The following DZIP3 variants were observed in gnomAD, a reference collection of about 807,000 sequenced individuals.
DZIP3 encodes E3 ubiquitin-protein ligase DZIP3.
A neutral mutation model predicts 162.0 loss-of-function variants in DZIP3; 118 were observed. The observed-to-expected ratio is 0.73, with a 90% confidence interval of 0.63 to 0.85. The LOEUF is 0.85. Ranked by LOEUF, DZIP3 falls within the 40% of genes least tolerant of loss-of-function variation. DZIP3 has a pLI of 0.00. For missense variants in DZIP3, 1,331 were observed against 1,407.0 expected, an observed-to-expected ratio of 0.95 and a Z score of 0.86; for synonymous variants, 438 against 458.6, an observed-to-expected ratio of 0.96 and a Z score of 0.57.
intron 28 of DZIP3, among the ~76,000 whole-genome samples, chr3:108,687,676 A>C (rs1285445054): frequency 6.6e-6 from 1 of 152,224 alleles, no homozygotes; most frequent in African/African-American, 2.4e-5. Context: ...GATAAACTTA[A>C]TTTTCACCTA....
intron 1 of DZIP3, among the ~76,000 whole-genome samples, chr3:108,597,303 G>T (rs1354761198): frequency 6.6e-6 from 1 of 151,536 alleles, no homozygotes; most frequent in Admixed American, 6.6e-5. Flanking sequence ...AAGAGTACAA[G>T]GTTTGAATAT....
chr3:108,642,341 G>T, intron 12 of DZIP3, 97 bp from the exon 13 acceptor site: 1 of 1,259,130 alleles, frequency 7.9e-7, no homozygotes, highest in South Asian at 1.5e-5. Flanking sequence ...TCTAGGAGAA[G>T]ATGAAAATAC....
chr3:108,611,638 A>C (rs1034238206), intron 4 of DZIP3, among the ~76,000 whole-genome samples: 1 of 152,154 alleles, frequency 6.6e-6, no homozygotes, highest in African/African-American at 2.4e-5. Flanking sequence ...AGTCTGGGAC[A>C]GGGGACTGCT....
chr3:108,682,646 G>T (rs1944362323), intron 26 of DZIP3, among the ~76,000 whole-genome samples: 1 of 150,584 alleles, frequency 6.6e-6, no homozygotes, highest in Non-Finnish European at 1.5e-5. Flanking sequence ...GGAGAGGTTG[G>T]TTGGTCAATG....
chr3:108,616,366 A>G (rs1273689013), intron 4 of DZIP3, among the ~76,000 whole-genome samples, 175 bp from the exon 5 acceptor site: 2 of 151,884 alleles, frequency 1.3e-5, no homozygotes, highest in African/African-American at 2.4e-5. Context: ...CGGACTACTT[A>G]AAAGCAAACA....
chr3:108,651,905 T>A (rs115654359), intron 18 of DZIP3, among the ~76,000 whole-genome samples: 2,893 of 151,878 alleles, frequency 0.019, 100 homozygotes, highest in African/African-American at 0.067. Flanking sequence ...AGCAGTAAGA[T>A]CATATTTTGT....
At chr3:108,648,358 G>A (rs1274436630) in intron 16 of DZIP3, 3 of 311,144 alleles carry the variant, frequency 9.6e-6, no homozygotes, top group Non-Finnish European at 5.8e-6. Context: ...ATGCTAGACT[G>A]TAATATGTTT....
intron 32 of DZIP3, among the ~76,000 whole-genome samples, chr3:108,692,565 A>G (rs2107452096): frequency 6.6e-6 from 1 of 152,278 alleles, no homozygotes; most frequent in Non-Finnish European, 1.5e-5. Context: ...CTTACTTGAC[A>G]TATTCCCTGC....
At chr3:108,653,495 T>G (rs1199118710) in intron 18 of DZIP3, among the ~76,000 whole-genome samples, 5 of 99,194 alleles carry the variant, frequency 5.0e-5, no homozygotes, top group Non-Finnish European at 1.0e-4. Context: ...TTAATTGCCA[T>G]TGTGTGTGTG....
intron 3 of DZIP3, among the ~76,000 whole-genome samples, chr3:108,610,131 A>G (rs1182935829): frequency 6.6e-6 from 1 of 152,192 alleles, no homozygotes; most frequent in East Asian, 1.9e-4. Context: ...GAGTTAGTAA[A>G]CGGTTAACAT....
chr3:108,619,300 GTA>G lies in DZIP3; in HGVS notation c.375+2645_375+2646del, dbSNP rs1576367861. On this transcript the variant is annotated intron_variant, in intron 5 of 32. Transcript: ENST00000361582. Reference sequence around the variant, plus strand: ...TGTGTATGTGTGTGGGTATATGTGTGTATGTGTGTGTGTGTGTGTGTGTGTTT... The same window carrying G: ...TGTGTATGTGTGTGGGTATATGTGTGTGTGTGTGTGTGTGTGTGTGTGTTT... Among the ~76,000 whole-genome samples the G allele has an allele frequency of 2.2e-5, 3 of 137,704 alleles. No individual in the cohort carries two copies. In the East Asian group the frequency reaches 7.4e-4, roughly 34 times the overall value. 90.3% of individuals were successfully genotyped at this position (137,704 alleles called of 152,430 possible).
intron 19 of DZIP3, 79 bp from the exon 20 acceptor site, chr3:108,661,798 G>A (rs1943448021): frequency 8.8e-7 from 1 of 1,133,518 alleles, no homozygotes; most frequent in Non-Finnish European, 1.3e-6. Context: ...GGAGTTAGAT[G>A]GCAACTTTAA....
In DZIP3 at chr3:108,667,322, A is replaced by G. The variant is rs149079873; in HGVS notation, c.2424-2359A>G. ...CTACCATCCGGAATGAAACAGTGAT[A>G]TGTATCACTGCAAATACTACAAACA... On this transcript the variant is annotated intron_variant, in intron 21 of 32. Transcript: ENST00000361582. Among the ~76,000 whole-genome samples, 343 of 152,324 alleles carry G rather than the reference A, an allele frequency of 2.3e-3. 3 individuals carry two copies. Among genetic ancestry groups the G allele is most frequent in the African/African-American group, 8.0e-3 (332 of 41,572 alleles).
At chr3:108,617,088 A>G (rs965024831) in intron 5 of DZIP3, among the ~76,000 whole-genome samples, 3 of 152,198 alleles carry the variant, frequency 2.0e-5, no homozygotes, top group African/African-American at 7.2e-5. Context: ...AGAGAGTACG[A>G]TGGTGGCTAG....
At chr3:108,615,373 G>C (rs760388143) in intron 4 of DZIP3, among the ~76,000 whole-genome samples, 3 of 152,162 alleles carry the variant, frequency 2.0e-5, no homozygotes, top group Admixed American at 1.3e-4. Flanking sequence ...GATATTGTTT[G>C]AGCTTGGAAT....
intron 26 of DZIP3, among the ~76,000 whole-genome samples, chr3:108,682,891 G>T (rs1330382108): frequency 6.6e-6 from 1 of 150,688 alleles, no homozygotes; most frequent in Non-Finnish European, 1.5e-5. Flanking sequence ...ACAATTATGT[G>T]TCCATTGAAA....
chr3:108,655,716 A>T (rs1943078714), intron 19 of DZIP3, among the ~76,000 whole-genome samples: 1 of 152,182 alleles, frequency 6.6e-6, no homozygotes, highest in African/African-American at 2.4e-5. Context: ...TCACCTGGGA[A>T]GCGCACGGGG....
At chr3:108,626,049 C>G in intron 7 of DZIP3, 80 bp downstream of exon 7, 1 of 1,453,468 alleles carries the variant, frequency 6.9e-7, no homozygotes. Flanking sequence ...CACAGTATAT[C>G]AGGCATTGTG....
chr3:108,616,079 A>G (rs1340298578), intron 4 of DZIP3, among the ~76,000 whole-genome samples: 1 of 152,196 alleles, frequency 6.6e-6, no homozygotes, highest in Non-Finnish European at 1.5e-5. Context: ...CCTAGCTAAA[A>G]TGGTGAAACC....
Sources: allele counts gnomAD v4.1 joint callset (sites outside exome capture counted in the v4.1 genomes callset), GRCh38; gene constraint gnomAD v4.1.1; transcripts MANE v1.5; gene names NCBI Gene and HGNC (gene_info 2026-07-23, HGNC 2026-07-21).